The following MSRA variants were observed in gnomAD, a reference collection of about 807,000 sequenced individuals.
MSRA encodes the protein mitochondrial peptide methionine sulfoxide reductase.
In MSRA, 54 loss-of-function variants were observed where a neutral mutation model predicts 31.3. That is an observed-to-expected ratio of 1.73 (90% CI 1.39 to 2.17). The LOEUF is 2.17. Ranked by LOEUF, MSRA falls within the 30% of genes most tolerant of loss-of-function variation. The probability of loss-of-function intolerance (pLI) is 0.00; values close to 1 mark genes in which losing one functional copy is unlikely to be tolerated. For missense variants in MSRA, 507 were observed against 300.9 expected (o/e 1.69, Z -5.07); for synonymous variants, 169 against 116.5 (o/e 1.45, Z -2.90).
chr8:10,425,206 C>G (rs1191556767), intron 5 of MSRA, among the ~76,000 whole-genome samples: 1 of 152,198 alleles, frequency 6.6e-6, no homozygotes, highest in Admixed American at 6.5e-5. Flanking sequence ...CCACGCTCAT[C>G]GCAGGCCGGT....
chr8:10,137,970 G>A (rs1386286264), intron 1 of MSRA, among the ~76,000 whole-genome samples: 2 of 152,200 alleles, frequency 1.3e-5, no homozygotes, highest in Non-Finnish European at 2.9e-5. Context: ...AGATCAGGGA[G>A]ATTAGTACCA....
chr8:10,078,590 A>C (rs1798117115), intron 1 of MSRA, among the ~76,000 whole-genome samples: 1 of 152,132 alleles, frequency 6.6e-6, no homozygotes, highest in Non-Finnish European at 1.5e-5. Flanking sequence ...TAAACTGTGA[A>C]AGTGTAGGGC....
chr8:10,186,176 C>T (rs922375372), intron 1 of MSRA, among the ~76,000 whole-genome samples: 1 of 152,182 alleles, frequency 6.6e-6, no homozygotes, highest in African/African-American at 2.4e-5. Context: ...CATGTATTCA[C>T]CTCTTCACTG....
At chr8:10,074,845 G>T (rs1263071961) in intron 1 of MSRA, among the ~76,000 whole-genome samples, 2 of 152,074 alleles carry the variant, frequency 1.3e-5, no homozygotes, top group Non-Finnish European at 2.9e-5. Context: ...ATTACCCAGA[G>T]ACGGGGGTTC....
chr8:10,099,485 G>C (rs766934197), intron 1 of MSRA, among the ~76,000 whole-genome samples: 4 of 152,192 alleles, frequency 2.6e-5, no homozygotes, highest in East Asian at 1.9e-4. Flanking sequence ...AAATACCTTC[G>C]CCTGTTATTC....
At chr8:10,293,620 G>A (rs914233166) in intron 3 of MSRA, among the ~76,000 whole-genome samples, 3 of 152,224 alleles carry the variant, frequency 2.0e-5, no homozygotes, top group African/African-American at 4.8e-5. Context: ...TCTGGACAGC[G>A]AAGAAAGGTC....
At chr8:10,301,735 C>A in intron 4 of MSRA, 97 bp downstream of exon 4, 2 of 923,114 alleles carry the variant, frequency 2.2e-6, no homozygotes, top group Non-Finnish European at 3.3e-6. Flanking sequence ...CTTGAAATCA[C>A]ACAGGAGCTC....
chr8:10,347,286 C>T (rs1239650967), intron 5 of MSRA, among the ~76,000 whole-genome samples: 3 of 152,196 alleles, frequency 2.0e-5, no homozygotes, highest in Non-Finnish European at 4.4e-5. Context: ...ATAAATCTCC[C>T]TCTTTCCACT....
intron 1 of MSRA, among the ~76,000 whole-genome samples, chr8:10,112,666 T>G (rs1304503874): frequency 6.6e-6 from 1 of 152,194 alleles, no homozygotes; most frequent in Non-Finnish European, 1.5e-5. Flanking sequence ...GGGAAGACAT[T>G]CAATTAAATA....
At chr8:10,364,457 C>G (rs536375295) in intron 5 of MSRA, among the ~76,000 whole-genome samples, 21 of 152,288 alleles carry the variant, frequency 1.4e-4, no homozygotes, top group Non-Finnish European at 1.2e-4. Flanking sequence ...CTTTCAGTGC[C>G]CAAGGAAGAG....
intron 5 of MSRA, among the ~76,000 whole-genome samples, chr8:10,330,956 AG>A (rs1802660306): frequency 6.6e-6 from 1 of 152,176 alleles, no homozygotes; most frequent in Non-Finnish European, 1.5e-5. Flanking sequence ...GGGTTAGATG[AG>A]GTCCTGAGCT....
At chr8:10,220,861 A>G (rs1343585898) in intron 2 of MSRA, among the ~76,000 whole-genome samples, 1 of 152,222 alleles carries the variant, frequency 6.6e-6, no homozygotes, top group Non-Finnish European at 1.5e-5. Flanking sequence ...CAAGGACATT[A>G]AGGGAGGAGG....
chr8:10,413,114 C>T lies in MSRA; in HGVS notation c.544-15034C>T, dbSNP rs567062904. Among the ~76,000 whole-genome samples, 45 of 152,280 alleles carry T rather than the reference C, an allele frequency of 3.0e-4. 1 individual carries two copies. Among genetic ancestry groups the T allele is most frequent in the African/African-American group, 9.9e-4 (41 of 41,552 alleles). On this transcript the variant is annotated intron_variant, in intron 5 of 5. Coordinates refer to ENST00000317173, the MANE Select transcript of MSRA (RefSeq NM_012331.5). ...AATGGAAACACCACACTGAGGAATG[C>T]GTATGCCCAGGAAGGCCCTGATCTC...
chr8:10,329,624 C>T (rs922406003), intron 5 of MSRA, among the ~76,000 whole-genome samples: 1 of 152,200 alleles, frequency 6.6e-6, no homozygotes, highest in South Asian at 2.1e-4. Flanking sequence ...CAGATGACCA[C>T]AGGCCCCATA....
At chr8:10,228,134 G>A (rs1023240292) in intron 2 of MSRA, among the ~76,000 whole-genome samples, 7 of 152,206 alleles carry the variant, frequency 4.6e-5, no homozygotes, top group African/African-American at 1.7e-4. Flanking sequence ...CGTCCACTGA[G>A]CTACCTTTCT....
At chr8:10,228,553 G>A (rs893274183) in intron 2 of MSRA, among the ~76,000 whole-genome samples, 2 of 152,148 alleles carry the variant, frequency 1.3e-5, no homozygotes, top group African/African-American at 2.4e-5. Context: ...GTGTCTGCAC[G>A]GGGAGGCTGT....
intron 3 of MSRA, among the ~76,000 whole-genome samples, chr8:10,267,158 G>T (rs1054851702): frequency 2.0e-5 from 3 of 152,168 alleles, no homozygotes; most frequent in African/African-American, 7.2e-5. Flanking sequence ...TACCCCACCC[G>T]CTCCCGGTTG....
chr8:10,333,815 C>G (rs372314081), intron 5 of MSRA, among the ~76,000 whole-genome samples: 76 of 152,216 alleles, frequency 5.0e-4, no homozygotes, highest in African/African-American at 1.4e-3. Flanking sequence ...CCCCACCCCC[C>G]CCACGCTGAG....
chr8:10,069,359 A>G (rs901790598), intron 1 of MSRA, among the ~76,000 whole-genome samples: 26 of 152,202 alleles, frequency 1.7e-4, no homozygotes, highest in Admixed American at 3.9e-4. Flanking sequence ...GAAAGCATCT[A>G]GTTTCTACTT....
Sources: gnomAD v4.1 joint callset for allele counts (sites outside exome capture counted in the v4.1 genomes callset) on GRCh38, gnomAD v4.1.1 for gene constraint, MANE v1.5 for transcripts, NCBI Gene and HGNC (gene_info 2026-07-23, HGNC 2026-07-21) for gene names.